The following BBS9 variants were observed in gnomAD, a reference collection of about 807,000 sequenced individuals.
BBS9 encodes Bardet-Biedl syndrome 9, also known as protein PTHB1.
BBS9 carries 89 observed loss-of-function variants against 117.7 expected under a neutral mutation model. The ratio of observed to expected loss-of-function variants is 0.76; its 90% CI spans 0.64 to 0.90. BBS9 has a LOEUF of 0.90. Among genes scored for constraint, BBS9 ranks in the 40% least tolerant of loss-of-function variants. The probability of loss-of-function intolerance (pLI) is 0.00; values close to 1 mark genes in which losing one functional copy is unlikely to be tolerated. For synonymous variants in BBS9, 379 were observed against 370.9 expected (o/e 1.02, Z -0.25); for missense variants, 982 against 1,042.2 (o/e 0.94, Z 0.80).
At chr7:33,517,539 T>G (rs1364308319) in intron 20 of BBS9, among the ~76,000 whole-genome samples, 1 of 152,190 alleles carries the variant, frequency 6.6e-6, no homozygotes, top group Non-Finnish European at 1.5e-5. Context: ...CTGGCAGGAG[T>G]GAGCACCCGT....
At chr7:33,177,353 A>G in intron 4 of BBS9, 125 bp from the exon 5 acceptor site, 1 of 704,268 alleles carries the variant, frequency 1.4e-6, no homozygotes. Flanking sequence ...CACAATACAT[A>G]ATATTTTAGT....
chr7:33,500,922 A>G (rs1357291516), intron 19 of BBS9, among the ~76,000 whole-genome samples: 1 of 152,236 alleles, frequency 6.6e-6, no homozygotes, highest in East Asian at 1.9e-4. Context: ...TCAGTTGGAC[A>G]GAGATGTCCT....
chr7:33,493,004 C>G (rs1844226444), intron 19 of BBS9, among the ~76,000 whole-genome samples: 1 of 151,886 alleles, frequency 6.6e-6, no homozygotes, highest in Non-Finnish European at 1.5e-5. Flanking sequence ...TTTCTTCTTT[C>G]TTCTTTTTCA....
chr7:33,604,481 C>T lies in BBS9; in HGVS notation c.2522-384C>T, dbSNP rs574833932. Among the ~76,000 whole-genome samples the T allele has an allele frequency of 8.6e-5, 13 of 151,662 alleles. No individual in the cohort carries two copies. The East Asian group carries it at 2.7e-3, about 31-fold the overall frequency. On this transcript the variant is annotated intron_variant, in intron 21 of 22. Transcript: ENST00000242067. ...AGGAAGGCTTCTTTCCCTCATGGTT[C>T]ATGTGCTTTGCTTCTTTTATAGTTT... is the stretch of plus-strand genomic sequence containing the variant.
chr7:33,558,498 G>T lies in BBS9; in HGVS notation c.2521+24322G>T, dbSNP rs541730871. ...AAAGGAGGTACGAAAGGAGGCCAGG[G>T]TGACTGGGGAGAATGATGTGAGATG... On this transcript the variant is annotated intron_variant, in intron 21 of 22. Transcript: ENST00000242067. 7.9e-5 allele frequency among the ~76,000 whole-genome samples: 12 copies of T among 152,316 alleles called. No homozygotes were observed. In the South Asian group the frequency reaches 2.5e-3, roughly 32 times the overall value.
chr7:33,163,804 G>C (rs1434578139), intron 4 of BBS9, among the ~76,000 whole-genome samples: 1 of 152,046 alleles, frequency 6.6e-6, no homozygotes, highest in Admixed American at 6.6e-5. Flanking sequence ...CTGATTTTTT[G>C]AAGGGTTTTT....
chr7:33,615,414 A>G (rs949488667), intron 21 of BBS9, among the ~76,000 whole-genome samples: 1 of 152,120 alleles, frequency 6.6e-6, no homozygotes, highest in African/African-American at 2.4e-5. Flanking sequence ...CTAAGAATTA[A>G]GAAGTGCTAG....
chr7:33,143,669 A>G lies in BBS9; in HGVS notation c.-11-2573A>G, dbSNP rs901998288. ...CAACCTCCGCCTCCTGGGTTCAAGCAGTTCTTTTGCCTTAGCCTCCTGAGT... is the reference window on the plus strand; with the variant it reads ...CAACCTCCGCCTCCTGGGTTCAAGCGGTTCTTTTGCCTTAGCCTCCTGAGT... On this transcript the variant is annotated intron_variant, in intron 1 of 22. Coordinates refer to ENST00000242067, the MANE Select transcript of BBS9 (RefSeq NM_198428.3). 4.0e-5 allele frequency among the ~76,000 whole-genome samples: 6 copies of G among 151,546 alleles called. No homozygotes were observed. The South Asian group carries it at 1.3e-3, about 32-fold the overall frequency.
intron 9 of BBS9, among the ~76,000 whole-genome samples, chr7:33,303,284 G>A (rs1025008942): frequency 6.6e-6 from 1 of 152,088 alleles, no homozygotes; most frequent in African/African-American, 2.4e-5. Context: ...GATCTAGATA[G>A]GACTTTCAGT....
chr7:33,498,992 G>A (rs778411802), intron 19 of BBS9, among the ~76,000 whole-genome samples: 6 of 152,040 alleles, frequency 3.9e-5, no homozygotes, highest in African/African-American at 7.2e-5. Context: ...ATGTACGTGG[G>A]TTCCAATTTC....
Position 33,605,182 on chromosome 7 carries a change from T to TC in BBS9, c.2633-12dup. 6.2e-7 allele frequency: 1 copy of TC among 1,608,786 alleles called. No individual in the cohort carries two copies. The highest frequency in any genetic ancestry group is 8.5e-7 in the Non-Finnish European group (1 of 1,175,122). On this transcript the variant is annotated splice_polypyrimidine_tract_variant and intron_variant, in intron 22 of 22. Transcript: ENST00000242067. ...TTTTCTCTCTCTTTCTCTCTTACTC[T>TC]CTTTTTTTCCAGAAGTTTCACCCCT...
At chr7:33,134,309 C>T (rs1790126185) in intron 1 of BBS9, among the ~76,000 whole-genome samples, 1 of 151,462 alleles carries the variant, frequency 6.6e-6, no homozygotes, top group Non-Finnish European at 1.5e-5. Flanking sequence ...AGGTGATCCA[C>T]CCACCTTGGC....
At chr7:33,533,295 C>G (rs1850863561) in intron 20 of BBS9, among the ~76,000 whole-genome samples, 1 of 152,220 alleles carries the variant, frequency 6.6e-6, no homozygotes, top group South Asian at 2.1e-4. Flanking sequence ...TGCAGCGCAG[C>G]CACACTGTTC....
intron 21 of BBS9, among the ~76,000 whole-genome samples, chr7:33,569,923 G>C (rs941556267): frequency 6.6e-6 from 1 of 152,136 alleles, no homozygotes; most frequent in African/African-American, 2.4e-5. Context: ...GAACATACCT[G>C]GTGCCCAGAT....
At chr7:33,372,973 A>G (rs990007039) in intron 17 of BBS9, among the ~76,000 whole-genome samples, 21 of 152,080 alleles carry the variant, frequency 1.4e-4, no homozygotes, top group Admixed American at 8.5e-4. Flanking sequence ...GATTCCTTGT[A>G]TTTCTGTAGT....
intron 21 of BBS9, among the ~76,000 whole-genome samples, chr7:33,580,216 T>A (rs1216695929): frequency 6.6e-6 from 1 of 151,780 alleles, no homozygotes; most frequent in African/African-American, 2.4e-5. Context: ...GGAGTCTCAC[T>A]CCAGCACGGT....
At chr7:33,157,157 C>A (rs1794212739) in intron 4 of BBS9, among the ~76,000 whole-genome samples, 1 of 152,090 alleles carries the variant, frequency 6.6e-6, no homozygotes, top group African/African-American at 2.4e-5. Context: ...CTAGGCCTTC[C>A]CTGGTCCTGC....
intron 21 of BBS9, among the ~76,000 whole-genome samples, chr7:33,584,628 G>A (rs978902685): frequency 6.6e-6 from 1 of 151,854 alleles, no homozygotes; most frequent in African/African-American, 2.4e-5. Context: ...GGACTTAATT[G>A]AATCATTTTG....
At chr7:33,405,013 T>C (rs867474449) in intron 19 of BBS9, among the ~76,000 whole-genome samples, 269 of 151,942 alleles carry the variant, frequency 1.8e-3, no homozygotes, top group Non-Finnish European at 3.3e-3. Context: ...TTTTGAGATA[T>C]GTCCCATCAA....
Sources: gnomAD v4.1 joint callset for allele counts (sites outside exome capture counted in the v4.1 genomes callset) on GRCh38, gnomAD v4.1.1 for gene constraint, MANE v1.5 for transcripts, NCBI Gene and HGNC (gene_info 2026-07-23, HGNC 2026-07-21) for gene names.